The following KCNJ3 variants were observed in gnomAD, a reference collection of about 807,000 sequenced individuals.
The protein encoded by KCNJ3 is G protein-activated inward rectifier potassium channel 1.
Under a neutral mutation model 39.2 loss-of-function variants are expected in KCNJ3, and 4 were observed. The ratio of observed to expected loss-of-function variants is 0.10; its 90% confidence interval spans 0.05 to 0.23. The LOEUF is 0.23. KCNJ3 is among the 10% of genes least tolerant of loss of function. The probability of loss-of-function intolerance (pLI) is 1.00; values close to 1 mark genes in which losing one functional copy is unlikely to be tolerated. For missense variants in KCNJ3, 276 were observed against 634.9 expected (o/e 0.43, Z 6.08); for synonymous variants, 230 against 237.4 (o/e 0.97, Z 0.29).
chr2:154,779,476 T>G (rs1574459467), intron 2 of KCNJ3, among the ~76,000 whole-genome samples: 1 of 91,968 alleles, frequency 1.1e-5, no homozygotes, highest in Non-Finnish European at 2.0e-5. Flanking sequence ...TTGTATATAT[T>G]ATATATATAT....
At position 154,699,174 on chromosome 2, in the gene KCNJ3, C is replaced by T. The variant is rs1303694331; in HGVS notation, c.399C>T (p.Ala133=). The change falls in exon 1 of 3, where the codon GCC becomes GCT. Residue 133 remains alanine, a synonymous_variant. Transcript: ENST00000295101. The surrounding 1 kb of genome is among the most constrained non-coding windows in gnomAD (Gnocchi z 6.4). ...CCAATGTCTATAACTTCCCTTCTGC[C>T]TTCCTCTTCTTCATCGAGACGGAGG... The part of the protein sequence containing the change: ...CVANVYNFPS[A]FLFFIETEAT... The T allele has an allele frequency of 3.7e-6, 6 of 1,614,066 alleles. No homozygotes were observed. The highest frequency in any genetic ancestry group is 1.3e-5 in the African/African-American group (1 of 74,942).
intron 2 of KCNJ3, among the ~76,000 whole-genome samples, chr2:154,761,820 A>G (rs142995595): frequency 1.3e-5 from 2 of 152,326 alleles, no homozygotes; most frequent in East Asian, 3.9e-4. Context: ...TGTAATAAGC[A>G]GAAAAATGAC....
chr2:154,754,281 T>G (rs1685900354), intron 2 of KCNJ3, among the ~76,000 whole-genome samples: 3 of 152,228 alleles, frequency 2.0e-5, no homozygotes, highest in African/African-American at 7.2e-5. Flanking sequence ...CTTTTTTTCT[T>G]TTTTTGAAAC....
chr2:154,807,473 T>G (rs1195086389), intron 2 of KCNJ3, among the ~76,000 whole-genome samples: 1 of 152,182 alleles, frequency 6.6e-6, no homozygotes, highest in Non-Finnish European at 1.5e-5. Flanking sequence ...AACCTTAAGG[T>G]CTCCAATTCA....
intron 2 of KCNJ3, among the ~76,000 whole-genome samples, chr2:154,803,333 G>A (rs1210854716): frequency 6.6e-6 from 1 of 151,832 alleles, no homozygotes. Flanking sequence ...TGAATTAAAT[G>A]AGCACCTGTT....
chr2:154,710,653 T>G (rs979379586), intron 2 of KCNJ3, among the ~76,000 whole-genome samples: 2 of 152,096 alleles, frequency 1.3e-5, no homozygotes, highest in Non-Finnish European at 2.9e-5. Context: ...GTGTGTATTT[T>G]GAGTTCTATG....
chr2:154,739,242 A>G (rs868070444), intron 2 of KCNJ3, among the ~76,000 whole-genome samples: 18 of 152,152 alleles, frequency 1.2e-4, no homozygotes, highest in Middle Eastern at 3.4e-3. Flanking sequence ...CAGAGAACTA[A>G]GTGTTATTTT....
rs573627323 is a variant in KCNJ3, at chr2:154,738,823, C to T, written c.919+29004C>T. Among the ~76,000 whole-genome samples, 692 of 151,512 alleles carry T rather than the reference C, an allele frequency of 4.6e-3. 6 individuals carry two copies. The highest frequency in any genetic ancestry group is 0.016 in the African/African-American group (667 of 41,392). On this transcript the variant is annotated intron_variant, in intron 2 of 2. Coordinates refer to ENST00000295101, the MANE Select transcript of KCNJ3 (RefSeq NM_002239.4). Reference sequence around the variant, plus strand: ...AGGTGCAATTAAGCAATTTTTTTTTCACACATACAAAATTGAAATAATCAC... The same window carrying T: ...AGGTGCAATTAAGCAATTTTTTTTTTACACATACAAAATTGAAATAATCAC...
At chr2:154,837,047 A>C (rs1166774936) in intron 2 of KCNJ3, among the ~76,000 whole-genome samples, 2 of 152,196 alleles carry the variant, frequency 1.3e-5, no homozygotes, top group Admixed American at 1.3e-4. Context: ...ATTTCACCAA[A>C]ACTTTAGATT....
In KCNJ3 at chr2:154,809,252, G is replaced by GT. The variant is rs972095040; in HGVS notation, c.920-45469dup. ...CTGCAACTCCTGGTAAATCAACCAG[G>GT]TTTTTTCTCCAGATCTCACCAGTCA... On this transcript the variant is annotated intron_variant, in intron 2 of 2. Transcript: ENST00000295101. Among the ~76,000 whole-genome samples, 63 of 152,246 alleles carry GT rather than the reference G, an allele frequency of 4.1e-4. 1 individual carries two copies. Among genetic ancestry groups the GT allele is most frequent in the Admixed American group, 8.5e-4 (13 of 15,278 alleles).
rs1156275856 is a variant in KCNJ3, at chr2:154,855,799, A to G, written c.*486A>G. ...TACACATACATACACATACATACAT[A>G]CATACATATATATCTGATAAAATTG... On this transcript the variant is annotated 3_prime_UTR_variant, in exon 3 of 3. Coordinates refer to ENST00000295101, the MANE Select transcript of KCNJ3 (RefSeq NM_002239.4). The G allele has an allele frequency of 6.6e-6, 1 of 152,476 alleles. No individual in the cohort carries two copies. The highest frequency in any genetic ancestry group is 1.5e-5 in the Non-Finnish European group (1 of 68,006). The allele number at this position is 152,476 out of a possible 1,614,324, so 9.4% of individuals were successfully genotyped here.
chr2:154,720,299 T>G (rs1685247379), intron 2 of KCNJ3, among the ~76,000 whole-genome samples: 1 of 152,028 alleles, frequency 6.6e-6, no homozygotes, highest in Admixed American at 6.6e-5. Context: ...TTTAGCCTTT[T>G]ATGTCAAAAA....
Position 154,847,932 on chromosome 2 carries a change from T to C in KCNJ3, c.920-6795T>C, listed in dbSNP as rs140413843. Among the ~76,000 whole-genome samples the C allele has an allele frequency of 3.2e-3, 492 of 152,280 alleles. 3 individuals are homozygous for C. Among genetic ancestry groups the C allele is most frequent in the African/African-American group, 0.011 (466 of 41,560 alleles). ...TCTAGGGCTGATATGACTTACTTAC[T>C]GTGGACACCAGAATATCAGCTAGCA... On this transcript the variant is annotated intron_variant, in intron 2 of 2. Coordinates refer to ENST00000295101, the MANE Select transcript of KCNJ3 (RefSeq NM_002239.4).
intron 2 of KCNJ3, among the ~76,000 whole-genome samples, chr2:154,738,283 G>T (rs950075610): frequency 6.6e-6 from 1 of 152,014 alleles, no homozygotes; most frequent in Non-Finnish European, 1.5e-5. Context: ...TGGGAAGGGA[G>T]GTGGGGAGAT....
intron 2 of KCNJ3, among the ~76,000 whole-genome samples, chr2:154,778,063 T>C (rs1686370543): frequency 6.6e-6 from 1 of 152,252 alleles, no homozygotes; most frequent in South Asian, 2.1e-4. Context: ...CAATTAGAAA[T>C]CATAAAGAAA....
chr2:154,778,405 ACT>A (rs1332205727), intron 2 of KCNJ3, among the ~76,000 whole-genome samples: 1 of 152,100 alleles, frequency 6.6e-6, no homozygotes, highest in Non-Finnish European at 1.5e-5. Flanking sequence ...ATCCCTTGAA[ACT>A]CTTTCAAGAA....
intron 2 of KCNJ3, among the ~76,000 whole-genome samples, chr2:154,825,452 G>A (rs1485260621): frequency 6.6e-6 from 1 of 152,054 alleles, no homozygotes; most frequent in Non-Finnish European, 1.5e-5. Context: ...TGATGTAACT[G>A]AAATATTAGG....
chr2:154,746,196 A>C (rs1685738831), intron 2 of KCNJ3, among the ~76,000 whole-genome samples: 1 of 152,070 alleles, frequency 6.6e-6, no homozygotes, highest in South Asian at 2.1e-4. Context: ...TTATTATAAT[A>C]ATTCAATATA....
chr2:154,836,854 G>T (rs1687474200), intron 2 of KCNJ3, among the ~76,000 whole-genome samples: 1 of 152,148 alleles, frequency 6.6e-6, no homozygotes. Flanking sequence ...CAAACAAAAT[G>T]TATTTGAATT....
Sources: allele counts gnomAD v4.1 joint callset (sites outside exome capture counted in the v4.1 genomes callset), GRCh38; gene constraint gnomAD v4.1.1; non-coding constraint Gnocchi (gnomAD v3.1); transcripts MANE v1.5; gene names NCBI Gene and HGNC (gene_info 2026-07-23, HGNC 2026-07-21).